The following FRAS1 variants were observed in gnomAD, a reference collection of about 807,000 sequenced individuals.
The protein encoded by FRAS1 is Fraser extracellular matrix complex subunit 1, also known as extracellular matrix organizing protein FRAS1.
FRAS1 carries 290 observed loss-of-function variants against 435.2 expected under a neutral mutation model. The ratio of observed to expected loss-of-function variants is 0.67; its 90% CI spans 0.61 to 0.73. The LOEUF is 0.73. Among genes scored for constraint, FRAS1 ranks in the 30% least tolerant of loss-of-function variants. FRAS1 has a pLI of 0.00. For synonymous variants in FRAS1, 1,800 were observed against 1,851.0 expected (o/e 0.97, Z 0.71); for missense variants, 4,860 against 5,001.5 (o/e 0.97, Z 0.85).
At chr4:78,489,397 G>T (rs36095733) in intron 59 of FRAS1, among the ~76,000 whole-genome samples, 37,883 of 152,022 alleles carry the variant, frequency 0.25, 5,338 homozygotes, top group East Asian at 0.53. Context: ...ATAAACTAGA[G>T]AAAAAATGTT....
chr4:78,121,169 C>A (rs1718996927), intron 2 of FRAS1, among the ~76,000 whole-genome samples: 1 of 152,222 alleles, frequency 6.6e-6, no homozygotes, highest in East Asian at 1.9e-4. Flanking sequence ...CTGATATGAC[C>A]TTTCTCCTTG....
intron 3 of FRAS1, among the ~76,000 whole-genome samples, chr4:78,239,314 G>T (rs1724902542): frequency 6.6e-6 from 1 of 152,020 alleles, no homozygotes; most frequent in Non-Finnish European, 1.5e-5. Context: ...CCCATATCTA[G>T]TACATTAACA....
At chr4:78,186,854 T>C (rs1722290784) in intron 2 of FRAS1, among the ~76,000 whole-genome samples, 1 of 152,254 alleles carries the variant, frequency 6.6e-6, no homozygotes, top group Non-Finnish European at 1.5e-5. Context: ...TATGTCTAAT[T>C]ATGCCTAAAC....
intron 22 of FRAS1, among the ~76,000 whole-genome samples, chr4:78,367,280 CTGTGG>C (rs1731308464): frequency 6.6e-6 from 1 of 152,008 alleles, no homozygotes; most frequent in Non-Finnish European, 1.5e-5. Flanking sequence ...TGGCATGTGC[CTGTGG>C]ACCCAGCTAT....
chr4:78,166,614 T>G (rs375173153), intron 2 of FRAS1, among the ~76,000 whole-genome samples: 9 of 152,196 alleles, frequency 5.9e-5, no homozygotes, highest in African/African-American at 2.2e-4. Context: ...CAAGAATGTT[T>G]AGTTTTCTCA....
At chr4:78,116,075 A>C (rs572916051) in intron 2 of FRAS1, among the ~76,000 whole-genome samples, 31 of 152,198 alleles carry the variant, frequency 2.0e-4, no homozygotes, top group African/African-American at 7.2e-4. Context: ...TTCTGCCTTC[A>C]TTTCATTATG....
chr4:78,415,632 C>T (rs1016548271), intron 32 of FRAS1, among the ~76,000 whole-genome samples: 1 of 152,128 alleles, frequency 6.6e-6, no homozygotes, highest in African/African-American at 2.4e-5. Context: ...ATATTTGAAG[C>T]ATTACAGGTT....
At chr4:78,370,197 ATGT>A (rs1351142244) in intron 23 of FRAS1, among the ~76,000 whole-genome samples, 15 of 152,318 alleles carry the variant, frequency 9.8e-5, no homozygotes, top group African/African-American at 3.4e-4. Flanking sequence ...TTTGTGTCAG[ATGT>A]TGTGCCACGT....
chr4:78,151,826 T>G (rs1413654056), intron 2 of FRAS1, among the ~76,000 whole-genome samples: 2 of 152,222 alleles, frequency 1.3e-5, no homozygotes, highest in Admixed American at 1.3e-4. Flanking sequence ...CTTGGCTCCC[T>G]GGAGCTGTGG....
intron 2 of FRAS1, among the ~76,000 whole-genome samples, chr4:78,128,098 C>T (rs1018415776): frequency 5.9e-5 from 9 of 152,082 alleles, no homozygotes; most frequent in Admixed American, 2.0e-4. Context: ...TTTTTTATGG[C>T]TGCATAGTAT....
chr4:78,441,355 G>A, intron 41 of FRAS1, 58 bp downstream of exon 41: 4 of 1,495,740 alleles, frequency 2.7e-6, no homozygotes, highest in Admixed American at 2.0e-5. Flanking sequence ...AGAGGGAGGA[G>A]GACCTTGCTT....
intron 2 of FRAS1, among the ~76,000 whole-genome samples, chr4:78,104,269 C>T (rs1742279124): frequency 6.6e-6 from 1 of 152,166 alleles, no homozygotes. Context: ...CACTACAGTT[C>T]CTTTGGCAAT....
At chr4:78,324,521 C>T (rs1729639474) in intron 18 of FRAS1, among the ~76,000 whole-genome samples, 1 of 152,072 alleles carries the variant, frequency 6.6e-6, no homozygotes, top group South Asian at 2.1e-4. Flanking sequence ...AAAGTCATCA[C>T]AACCAATAAT....
intron 66 of FRAS1, among the ~76,000 whole-genome samples, chr4:78,517,049 A>G (rs1413259512): frequency 6.6e-6 from 1 of 152,224 alleles, no homozygotes; most frequent in Non-Finnish European, 1.5e-5. Flanking sequence ...GTTCTATCCA[A>G]TTTTGAGCAG....
At chr4:78,292,622 C>T (rs1157141346) in intron 14 of FRAS1, among the ~76,000 whole-genome samples, 1 of 152,144 alleles carries the variant, frequency 6.6e-6, no homozygotes. Context: ...CTTATCCCAG[C>T]CTGGCTGTGC....
intron 47 of FRAS1, among the ~76,000 whole-genome samples, chr4:78,455,421 G>GT (rs1553962057): frequency 1.6e-5 from 1 of 63,708 alleles, no homozygotes; most frequent in African/African-American, 8.0e-5. Context: ...GAGTTGAGGA[G>GT]GGAGGGGGTT....
At chr4:78,522,552 A>T in intron 68 of FRAS1, 97 bp from the exon 69 acceptor site, 1 of 1,045,058 alleles carries the variant, frequency 9.6e-7, no homozygotes, top group Non-Finnish European at 1.4e-6. Context: ...GAAGAACATT[A>T]ATTCAGTTCT....
At chr4:78,132,579 T>C (rs914440124) in intron 2 of FRAS1, among the ~76,000 whole-genome samples, 10 of 152,124 alleles carry the variant, frequency 6.6e-5, no homozygotes, top group African/African-American at 2.4e-4. Flanking sequence ...TGTCAGGAGA[T>C]GCAAGGGAGA....
At chr4:78,332,116 G>A (rs1729971881) in intron 18 of FRAS1, among the ~76,000 whole-genome samples, 1 of 152,190 alleles carries the variant, frequency 6.6e-6, no homozygotes, top group Non-Finnish European at 1.5e-5. Context: ...TATGGAGACT[G>A]TCTCTAGTTG....
Sources: gnomAD v4.1 joint callset for allele counts (sites outside exome capture counted in the v4.1 genomes callset) on GRCh38, gnomAD v4.1.1 for gene constraint, MANE v1.5 for transcripts, NCBI Gene and HGNC (gene_info 2026-07-23, HGNC 2026-07-21) for gene names.